GPC3: variants seen among roughly 807,000 people sequenced by gnomAD.
GPC3 encodes the protein glypican-3.
In GPC3, 3 loss-of-function variants were observed where a neutral mutation model predicts 34.4. The observed-to-expected ratio is 0.09, with a 90% CI of 0.04 to 0.23. The LOEUF (loss-of-function observed/expected upper bound fraction) is 0.23, where lower values mean the gene tolerates loss of function less well. Among genes scored for constraint, GPC3 ranks in the 10% least tolerant of loss-of-function variants. The pLI is 1.00. For synonymous variants in GPC3, 177 were observed against 174.0 expected (o/e 1.02, Z -0.13); for missense variants, 351 against 445.6 (o/e 0.79, Z 1.91).
chrX:133,655,476 C>CACACACA (rs1569406868), intron 6 of GPC3, among the ~76,000 whole-genome samples: 6 of 97,620 alleles, frequency 6.1e-5, no homozygotes, highest in African/African-American at 2.3e-4. Context: ...CTTCACACAC[C>CACACACA]CACACACACA....
chrX:133,856,573 G>A (rs967750589), intron 2 of GPC3, among the ~76,000 whole-genome samples: 2 of 110,924 alleles, frequency 1.8e-5, no homozygotes, highest in South Asian at 7.7e-4. Context: ...ACAATAGTGT[G>A]TATCTTTGTA....
chrX:133,571,338 T>C (rs982057897), intron 7 of GPC3, among the ~76,000 whole-genome samples: 1 of 111,936 alleles, frequency 8.9e-6, no homozygotes. Flanking sequence ...TTAGGTTGGC[T>C]ACTTTTTTTG....
intron 6 of GPC3, among the ~76,000 whole-genome samples, chrX:133,641,241 C>T (rs1424645142): frequency 2.7e-5 from 3 of 110,071 alleles, no homozygotes; most frequent in Admixed American, 9.7e-5. Flanking sequence ...TTTGGGAGGC[C>T]GAGGCAGGCG....
intron 6 of GPC3, among the ~76,000 whole-genome samples, chrX:133,605,963 C>T (rs756659119): frequency 5.1e-4 from 57 of 111,991 alleles, no homozygotes; most frequent in African/African-American, 1.6e-3. Context: ...CTACCCACAC[C>T]CACATATGTT....
At chrX:133,655,964 A>G (rs945995459) in intron 6 of GPC3, among the ~76,000 whole-genome samples, 4 of 112,280 alleles carry the variant, frequency 3.6e-5, no homozygotes, top group African/African-American at 1.3e-4. Context: ...TCTTAAAAAT[A>G]ATTTTCTGGT....
At chrX:133,814,562 ATTG>A (rs2075680326) in intron 2 of GPC3, among the ~76,000 whole-genome samples, 1 of 109,344 alleles carries the variant, frequency 9.1e-6, no homozygotes, top group African/African-American at 3.3e-5. Flanking sequence ...TTGAATTTTT[ATTG>A]TTATTATTAT....
chrX:133,859,013 G>A (rs992435859), intron 2 of GPC3, among the ~76,000 whole-genome samples: 5 of 107,231 alleles, frequency 4.7e-5, no homozygotes, highest in East Asian at 2.9e-4. Context: ...CCCGGGAAGC[G>A]GAGCTTGCAG....
chrX:133,756,790 G>A (rs73564939), intron 2 of GPC3, among the ~76,000 whole-genome samples: 4,269 of 112,436 alleles, frequency 0.038, 202 homozygotes, highest in African/African-American at 0.13. Context: ...TCCAACTTCC[G>A]CAGCTCAGAA....
At chrX:133,907,384 T>C (rs898429488) in intron 2 of GPC3, among the ~76,000 whole-genome samples, 1 of 110,348 alleles carries the variant, frequency 9.1e-6, no homozygotes, top group Non-Finnish European at 1.9e-5. Flanking sequence ...CTAGACACAA[T>C]AGGGCACACT....
chrX:133,749,015 T>TG (rs1256339901), intron 3 of GPC3, among the ~76,000 whole-genome samples: 1 of 111,671 alleles, frequency 9.0e-6, no homozygotes, highest in Non-Finnish European at 1.9e-5. Flanking sequence ...CCTAGCACTT[T>TG]GGGAGGCTGA....
At chrX:133,661,562 CTCTCTT>C (rs1569408548) in intron 6 of GPC3, among the ~76,000 whole-genome samples, 162 bp downstream of exon 6, 6 of 67,431 alleles carry the variant, frequency 8.9e-5, no homozygotes, top group African/African-American at 1.8e-4. Flanking sequence ...CTGGCTATAT[CTCTCTT>C]TCTCTCTCTC....
intron 3 of GPC3, among the ~76,000 whole-genome samples, chrX:133,705,001 T>A (rs2071201360): frequency 9.0e-6 from 1 of 111,154 alleles, no homozygotes; most frequent in Non-Finnish European, 1.9e-5. Context: ...GACAAAAAAA[T>A]TCAGATTTGA....
At chrX:133,739,688 A>AAAAAAC (rs1569423610) in intron 3 of GPC3, among the ~76,000 whole-genome samples, 4 of 110,081 alleles carry the variant, frequency 3.6e-5, no homozygotes, top group Non-Finnish European at 7.6e-5. Context: ...TCTACTAAAA[A>AAAAAAC]AAAAACAAAA....
intron 6 of GPC3, among the ~76,000 whole-genome samples, chrX:133,616,523 T>C (rs1172250635): frequency 1.8e-5 from 2 of 110,783 alleles, no homozygotes; most frequent in Non-Finnish European, 3.8e-5. Flanking sequence ...AAGATAATCC[T>C]AAAATTCATA....
chrX:133,911,063 G>A (rs1331641966), intron 2 of GPC3, among the ~76,000 whole-genome samples: 1 of 112,037 alleles, frequency 8.9e-6, no homozygotes, highest in African/African-American at 3.2e-5. Flanking sequence ...GAAAAAAAGT[G>A]CCCTGTAAGA....
chrX:133,836,565 AT>A (rs894576470), intron 2 of GPC3, among the ~76,000 whole-genome samples: 1 of 111,438 alleles, frequency 9.0e-6, no homozygotes, highest in Non-Finnish European at 1.9e-5. Flanking sequence ...CAAGTTAGTT[AT>A]TTTTTTTAAG....
intron 2 of GPC3, among the ~76,000 whole-genome samples, chrX:133,856,478 T>A (rs964746945): frequency 3.6e-5 from 4 of 111,023 alleles, no homozygotes; most frequent in Non-Finnish European, 5.7e-5. Context: ...AGCATCTAGA[T>A]GTAATCAAAA....
intron 2 of GPC3, among the ~76,000 whole-genome samples, chrX:133,909,943 C>G (rs1178659170): frequency 9.0e-6 from 1 of 111,667 alleles, no homozygotes; most frequent in Non-Finnish European, 1.9e-5. Flanking sequence ...AAGACACAGA[C>G]TATTCAAGAA....
intron 2 of GPC3, among the ~76,000 whole-genome samples, chrX:133,943,203 T>A (rs2124629249): frequency 8.9e-6 from 1 of 112,533 alleles, no homozygotes; most frequent in Non-Finnish European, 1.9e-5. Flanking sequence ...TATGGCTCAC[T>A]TTCACAGCAG....
Sources: allele counts gnomAD v4.1 joint callset (sites outside exome capture counted in the v4.1 genomes callset), GRCh38; gene constraint gnomAD v4.1.1; transcripts MANE v1.5; gene names NCBI Gene and HGNC (gene_info 2026-07-23, HGNC 2026-07-21).